SLC2A9: variants seen among roughly 807,000 people sequenced by gnomAD.
The protein encoded by SLC2A9 is solute carrier family 2, facilitated glucose transporter member 9.
SLC2A9 carries 39 observed loss-of-function variants against 50.6 expected under a neutral mutation model. The observed-to-expected ratio is 0.77, with a 90% confidence interval of 0.60 to 1.01. SLC2A9 has a LOEUF of 1.01. Ranked by LOEUF, SLC2A9 falls within the 50% of genes least tolerant of loss-of-function variation. SLC2A9 has a pLI of 0.00. For missense variants in SLC2A9, 686 were observed against 677.6 expected (o/e 1.01, Z -0.14); for synonymous variants, 324 against 276.9 (o/e 1.17, Z -1.69).
In SLC2A9 at chr4:9,996,949, T is replaced by C. The variant is rs760692761; in HGVS notation, c.250-8A>G. 1.9e-6 allele frequency: 3 copies of C among 1,613,754 alleles called. No homozygotes were observed. Among genetic ancestry groups the C allele is most frequent in the Non-Finnish European group, 2.5e-6 (3 of 1,179,760 alleles). On this transcript the variant is annotated splice_region_variant and splice_polypyrimidine_tract_variant and intron_variant, in intron 2 of 11. Coordinates refer to ENST00000264784, the MANE Select transcript of SLC2A9 (RefSeq NM_020041.3). ...GTAAAAGGCCTTGATGTACTGAAAATAAACAACAAACCATGTTATTTCCTT... is the reference window on the plus strand; with the variant it reads ...GTAAAAGGCCTTGATGTACTGAAAACAAACAACAAACCATGTTATTTCCTT...
intron 8 of SLC2A9, among the ~76,000 whole-genome samples, chr4:9,896,153 A>G (rs896086457): frequency 3.9e-5 from 6 of 152,254 alleles, no homozygotes; most frequent in African/African-American, 7.2e-5. Flanking sequence ...TTGGATGGGT[A>G]AAACCTTTAT....
chr4:9,911,288 G>A (rs748991731), intron 7 of SLC2A9, among the ~76,000 whole-genome samples: 29 of 152,144 alleles, frequency 1.9e-4, no homozygotes, highest in Non-Finnish European at 2.9e-4. Flanking sequence ...TCTGCCCCGG[G>A]GCAGACCTGT....
In SLC2A9 at chr4:9,898,037, G is replaced by C. The variant is rs144178936; in HGVS notation, c.1114-7326C>G. Among the ~76,000 whole-genome samples, 13 of 152,306 alleles carry C rather than the reference G, an allele frequency of 8.5e-5. No individual in the cohort carries two copies. The East Asian group carries it at 1.5e-3, about 18-fold the overall frequency. On this transcript the variant is annotated intron_variant, in intron 8 of 11. Transcript: ENST00000264784. ...TCCTGGAAGCTGGGAGAGAGGCACG[G>C]GACATTCTCCCTCACAGCCCTCAGG...
At chr4:9,899,138 C>A (rs1010160695) in intron 8 of SLC2A9, among the ~76,000 whole-genome samples, 2 of 152,188 alleles carry the variant, frequency 1.3e-5, no homozygotes, top group Admixed American at 6.5e-5. Flanking sequence ...AAGATGTGGC[C>A]CAGATGAGGG....
intron 10 of SLC2A9, among the ~76,000 whole-genome samples, chr4:9,870,155 C>T (rs944307424): frequency 6.6e-6 from 1 of 152,236 alleles, no homozygotes; most frequent in Admixed American, 6.5e-5. Flanking sequence ...GCACTGCATC[C>T]CTACTGAAGC....
chr4:9,891,801 G>C (rs1166016314), intron 8 of SLC2A9, among the ~76,000 whole-genome samples: 2 of 152,178 alleles, frequency 1.3e-5, no homozygotes, highest in African/African-American at 4.8e-5. Context: ...TCAGGCAGAG[G>C]GATTAGTGGG....
intron 10 of SLC2A9, among the ~76,000 whole-genome samples, chr4:9,870,601 G>A (rs551439387): frequency 5.5e-4 from 83 of 152,194 alleles, no homozygotes; most frequent in Non-Finnish European, 1.0e-3. Flanking sequence ...ACACTGCCAC[G>A]TTTTCGCATT....
At position 10,021,271 on chromosome 4, in the gene SLC2A9, C is replaced by G. The variant is rs138627925; in HGVS notation, c.150+9G>C. 1.2e-6 allele frequency: 2 copies of G among 1,612,994 alleles called. No individual in the cohort carries two copies. Among genetic ancestry groups the G allele is most frequent in the South Asian group, 1.1e-5 (1 of 91,020 alleles). On this transcript the variant is annotated intron_variant, in intron 1 of 11. Coordinates refer to ENST00000264784, the MANE Select transcript of SLC2A9 (RefSeq NM_020041.3). ...CCGCCAGCCATGCAGAAAAGCTGTCCGTAGTTACCTTTCTTCTCCTTCCAC... is the reference window on the plus strand; with the variant it reads ...CCGCCAGCCATGCAGAAAAGCTGTCGGTAGTTACCTTTCTTCTCCTTCCAC...
At chr4:9,921,106 A>C (rs975328534) in intron 6 of SLC2A9, among the ~76,000 whole-genome samples, 2 of 152,176 alleles carry the variant, frequency 1.3e-5, no homozygotes, top group Non-Finnish European at 2.9e-5. Flanking sequence ...GATGCCCTGC[A>C]GTCCATGCTA....
intron 9 of SLC2A9, 113 bp downstream of exon 9, chr4:9,890,497 C>T: frequency 1.0e-6 from 1 of 1,002,100 alleles, no homozygotes; most frequent in Non-Finnish European, 1.6e-6. Flanking sequence ...AGAGCTTTAT[C>T]ACAAGTGTTT....
chr4:10,031,227 C>T (rs987432614), intron 1 of SLC2A9, among the ~76,000 whole-genome samples: 4 of 152,198 alleles, frequency 2.6e-5, no homozygotes, highest in Admixed American at 2.0e-4. Flanking sequence ...CAACATGAGA[C>T]ACAAAAGGAT....
chr4:9,888,127 G>C (rs1736645341), intron 9 of SLC2A9, among the ~76,000 whole-genome samples: 1 of 151,328 alleles, frequency 6.6e-6, no homozygotes, highest in Non-Finnish European at 1.5e-5. Context: ...GGGGGGTGGG[G>C]GGCTGGAGGA....
At chr4:9,928,143 T>C (rs1745255945) in intron 6 of SLC2A9, among the ~76,000 whole-genome samples, 1 of 152,032 alleles carries the variant, frequency 6.6e-6, no homozygotes, top group Non-Finnish European at 1.5e-5. Context: ...AAACCACAAA[T>C]TAAAGGTAAA....
At chr4:9,951,251 T>C (rs1393443955) in intron 5 of SLC2A9, among the ~76,000 whole-genome samples, 1 of 152,132 alleles carries the variant, frequency 6.6e-6, no homozygotes, top group Non-Finnish European at 1.5e-5. Flanking sequence ...AAGACAAATA[T>C]TGCATGTTCT....
chr4:9,896,136 GACT>G (rs1738517509), intron 8 of SLC2A9, among the ~76,000 whole-genome samples: 1 of 152,246 alleles, frequency 6.6e-6, no homozygotes, highest in East Asian at 1.9e-4. Context: ...TAAGTGGAAT[GACT>G]GAGTTGGATG....
intron 1 of SLC2A9, among the ~76,000 whole-genome samples, chr4:10,037,106 G>GA (rs1033188601): frequency 6.6e-6 from 1 of 152,138 alleles, no homozygotes; most frequent in African/African-American, 2.4e-5. Flanking sequence ...TAGCCTTGTT[G>GA]AAGTGTGATT....
intron 3 of SLC2A9, among the ~76,000 whole-genome samples, chr4:9,991,307 CA>C (rs1757676539): frequency 6.6e-6 from 1 of 152,222 alleles, no homozygotes; most frequent in African/African-American, 2.4e-5. Context: ...CTTTCTGAGA[CA>C]ATTCCAGCCT....
At chr4:9,954,337 G>C (rs1041781286) in intron 5 of SLC2A9, among the ~76,000 whole-genome samples, 2 of 152,264 alleles carry the variant, frequency 1.3e-5, no homozygotes, top group Non-Finnish European at 2.9e-5. Context: ...CCCACTGGAA[G>C]ACTTGTCTGC....
upstream of SLC2A9, chr4:10,026,115 G>A: frequency 1.4e-6 from 1 of 738,630 alleles, no homozygotes. Flanking sequence ...GAGGAGCTCT[G>A]GCTGGGATGC....
Sources: gnomAD v4.1 joint callset for allele counts (sites outside exome capture counted in the v4.1 genomes callset) on GRCh38, gnomAD v4.1.1 for gene constraint, MANE v1.5 for transcripts, NCBI Gene and HGNC (gene_info 2026-07-23, HGNC 2026-07-21) for gene names.